The following KCNQ2 variants were observed in gnomAD, a reference collection of about 807,000 sequenced individuals.
KCNQ2 encodes the protein potassium voltage-gated channel subfamily Q member 2.
A neutral mutation model predicts 84.8 loss-of-function variants in KCNQ2; 14 were observed. The ratio of observed to expected loss-of-function variants is 0.17; its 90% CI spans 0.11 to 0.26. The LOEUF (loss-of-function observed/expected upper bound fraction) is 0.26. Ranked by LOEUF, KCNQ2 falls within the 10% of genes least tolerant of loss-of-function variation. KCNQ2 has a pLI of 1.00. For missense variants in KCNQ2, 788 were observed against 1,254.0 expected (o/e 0.63, Z 5.61); for synonymous variants, 599 against 554.1 (o/e 1.08, Z -1.14).
At chr20:63,416,271 C>G (rs1354262493) in intron 12 of KCNQ2, among the ~76,000 whole-genome samples, 3 of 152,206 alleles carry the variant, frequency 2.0e-5, no homozygotes, top group African/African-American at 7.2e-5. Flanking sequence ...GCTCCATACT[C>G]TCGGGGGGTC....
chr20:63,458,067 C>G (rs925292081), intron 1 of KCNQ2, among the ~76,000 whole-genome samples: 1 of 152,160 alleles, frequency 6.6e-6, no homozygotes, highest in Non-Finnish European at 1.5e-5. Flanking sequence ...AGCCCAGCCC[C>G]ATGCAGAGGT....
rs2080235197 is a variant in KCNQ2, at chr20:63,414,864, CGGAGAGGATGGACCA to C, written c.1525+24_1525+38del. On this transcript the variant is annotated intron_variant, in intron 13 of 16. Transcript: ENST00000359125. This position sits in a 1 kb window ranked among gnomAD's most constrained non-coding sequence, Gnocchi z 6.6. ...GTAGCGTGGCCACCACATCCATCCCCGGAGAGGATGGACCAGGAGAGGATGCGGCCACACCCACCT... is the reference window on the plus strand; with the variant it reads ...GTAGCGTGGCCACCACATCCATCCCCGGAGAGGATGCGGCCACACCCACCT... 6.3e-7 allele frequency: 1 copy of C among 1,599,706 alleles called. No individual in the cohort carries two copies. The highest frequency in any genetic ancestry group is 1.1e-5 in the South Asian group (1 of 90,800).
intron 12 of KCNQ2, among the ~76,000 whole-genome samples, chr20:63,415,969 A>T (rs532205166): frequency 6.6e-6 from 1 of 151,492 alleles, no homozygotes; most frequent in South Asian, 2.1e-4. Context: ...GTTCAGCCAC[A>T]CTCCGGCCTT....
chr20:63,451,313 C>T (rs2081609897), intron 1 of KCNQ2, among the ~76,000 whole-genome samples: 2 of 152,100 alleles, frequency 1.3e-5, no homozygotes, highest in Non-Finnish European at 1.5e-5. Flanking sequence ...CTGGTATTAA[C>T]CCTCTGTCTT....
Position 63,404,232 on chromosome 20 carries a change from G to C in KCNQ2, c.*2412C>G, listed in dbSNP as rs1413849035. 1 of 152,298 alleles carries C rather than the reference G, an allele frequency of 6.6e-6. No homozygotes were observed. The highest frequency in any genetic ancestry group is 1.5e-5 in the Non-Finnish European group (1 of 68,240). 9.4% of individuals were successfully genotyped at this position (152,298 alleles called of 1,614,324 possible). A position where few individuals can be genotyped will look rare whatever the true frequency, so the allele number is the denominator to read the frequency against. On this transcript the variant is annotated 3_prime_UTR_variant, in exon 17 of 17. Transcript: ENST00000359125. ...CTCAGCGGCCCCATGGGAGGAAAGAGCAGGCGGGGCCTCACCTCGGGGGAG... is the reference window on the plus strand; with the variant it reads ...CTCAGCGGCCCCATGGGAGGAAAGACCAGGCGGGGCCTCACCTCGGGGGAG...
chr20:63,422,766 A>C (rs1432901327), intron 11 of KCNQ2: 1 of 152,270 alleles, frequency 6.6e-6, no homozygotes, highest in Non-Finnish European at 1.5e-5. Flanking sequence ...GAGAGAGAGA[A>C]AGAGAGAGGC....
chr20:63,428,207 G>A (rs549024925), intron 10 of KCNQ2, among the ~76,000 whole-genome samples, 160 bp downstream of exon 10: 10 of 152,156 alleles, frequency 6.6e-5, no homozygotes, highest in Non-Finnish European at 1.5e-4. Context: ...GTCAGCAGAC[G>A]CGAAAAGAGA....
At chr20:63,440,499 C>T (rs575702109) in intron 5 of KCNQ2, among the ~76,000 whole-genome samples, 1 of 152,308 alleles carries the variant, frequency 6.6e-6, no homozygotes, top group South Asian at 2.1e-4. Context: ...AAGCCACGGG[C>T]TCAGGACAGC....
intron 10 of KCNQ2, among the ~76,000 whole-genome samples, chr20:63,426,481 G>A (rs888343593): frequency 3.3e-5 from 5 of 149,284 alleles, no homozygotes; most frequent in Non-Finnish European, 7.4e-5. Context: ...GTTTCTTACA[G>A]CAGTTCTGCC....
chr20:63,443,403 CCACCATCACCATCACCACCATCAT>C (rs2081310370), intron 4 of KCNQ2, among the ~76,000 whole-genome samples: 1 of 14,316 alleles, frequency 7.0e-5, no homozygotes, highest in African/African-American at 2.9e-4. Flanking sequence ...ATCACCATCA[CCACCATCACCATCACCACCATCAT>C]CACCATCACC....
rs117768093 is a variant in KCNQ2 at position 63,428,596 on chromosome 20, G to A, written c.1149-161C>T. Among the ~76,000 whole-genome samples the A allele has an allele frequency of 0.069, 10,546 of 152,242 alleles. 524 individuals carry two copies. The highest frequency in any genetic ancestry group is 0.13 in the Admixed American group (2,048 of 15,304). ...CAGGCAGCTGCCCACTGGGCCCTGG[G>A]CTCAGGCCCACCTCTCTTGGGCAGG... On this transcript the variant is annotated intron_variant, in intron 9 of 16. Coordinates refer to ENST00000359125, the MANE Select transcript of KCNQ2 (RefSeq NM_172107.4).
Position 63,438,806 on chromosome 20 carries a change from CCCCCCCCAATTCATCA to C in KCNQ2, c.928-102_928-87del. On this transcript the variant is annotated intron_variant, in intron 6 of 16. Transcript: ENST00000359125. This position sits in a 1 kb window ranked among gnomAD's most constrained non-coding sequence, Gnocchi z 5.1. ...TCAGACCATGCTCTGGGGCCCCACA[CCCCCCCCAATTCATCA>C]GGGTCAGACCACACTCCAGAGACTC... 3 of 983,442 alleles carry C rather than the reference CCCCCCCCAATTCATCA, an allele frequency of 3.1e-6. No homozygotes were observed. Among genetic ancestry groups the C allele is most frequent in the Admixed American group, 1.9e-5 (1 of 52,408 alleles). 60.9% of individuals were successfully genotyped at this position (983,442 alleles called of 1,614,324 possible).
In KCNQ2 at chr20:63,424,631, C is replaced by G. The variant is rs1054037766; in HGVS notation, c.1218-425G>C. The G allele has an allele frequency of 1.5e-5, 3 of 194,422 alleles. No individual in the cohort carries two copies. The South Asian group carries it at 3.3e-4, about 22-fold the overall frequency. 12.0% of individuals were successfully genotyped at this position (194,422 alleles called of 1,614,324 possible). ...TGAGCTGCTCCGACTCTTTTTTCCA[C>G]GCTCATCCTAATGGAATGATTCTCT... On this transcript the variant is annotated intron_variant, in intron 10 of 16. Transcript: ENST00000359125.
intron 1 of KCNQ2, among the ~76,000 whole-genome samples, chr20:63,468,383 C>G (rs2082132371): frequency 6.6e-6 from 1 of 152,214 alleles, no homozygotes; most frequent in Non-Finnish European, 1.5e-5. Flanking sequence ...GCACTCACCC[C>G]TCAAAGCAGC....
In KCNQ2 at chr20:63,407,452, TG is replaced by T. The variant is rs1222060291; in HGVS notation, c.1888-78del. The stretch of plus-strand genomic sequence containing the variant: ...GGGGACCCAGGCTGCTCCCAGGAAA[TG>T]GGGGGGCCCAGGCTGGTTCCAGGAA... On this transcript the variant is annotated intron_variant, in intron 16 of 16. Coordinates refer to ENST00000359125, the MANE Select transcript of KCNQ2 (RefSeq NM_172107.4). The surrounding 1 kb of genome is among the most constrained non-coding windows in gnomAD (Gnocchi z 7.2). The T allele has an allele frequency of 1.3e-5, 19 of 1,517,526 alleles. No homozygotes were observed. The South Asian group carries it at 1.4e-4, about 11-fold the overall frequency. 94.0% of individuals were successfully genotyped at this position (1,517,526 alleles called of 1,614,324 possible).
rs570000525 is a variant in KCNQ2, at chr20:63,402,435, C to T, written c.*4209G>A. 6.6e-6 allele frequency: 1 copy of T among 152,496 alleles called. No individual in the cohort carries two copies. The highest frequency in any genetic ancestry group is 1.5e-5 in the Non-Finnish European group (1 of 68,242). The allele number at this position is 152,496 out of a possible 1,614,324, so 9.4% of individuals were successfully genotyped here. On this transcript the variant is annotated 3_prime_UTR_variant, in exon 17 of 17. Transcript: ENST00000359125. ...CAAAGCTCTCACAGCTCCTTCTGCT[C>T]CTCGGCTTCTGGGAAGCAACTAGAA... is the stretch of plus-strand genomic sequence containing the variant.
intron 15 of KCNQ2, among the ~76,000 whole-genome samples, chr20:63,410,477 G>T (rs984605968): frequency 3.9e-5 from 6 of 152,218 alleles, no homozygotes; most frequent in Non-Finnish European, 7.4e-5. Flanking sequence ...GACCGTCCGA[G>T]CTCACAGCTG....
At chr20:63,465,298 C>G (rs6011841) in intron 1 of KCNQ2, among the ~76,000 whole-genome samples, 42,569 of 152,270 alleles carry the variant, frequency 0.28, 6,469 homozygotes, top group East Asian at 0.59. Context: ...GCATCCTGAG[C>G]CACTCCCTCC....
rs1208673620 is a variant in KCNQ2, at chr20:63,408,815, G to A, written c.1764-279C>T. Among the ~76,000 whole-genome samples, 7 of 152,136 alleles carry A rather than the reference G, an allele frequency of 4.6e-5. No homozygotes were observed. Among genetic ancestry groups the A allele is most frequent in the Admixed American group, 4.6e-4 (7 of 15,286 alleles). On this transcript the variant is annotated intron_variant, in intron 15 of 16. Transcript: ENST00000359125. The surrounding 1 kb of genome is among the most constrained non-coding windows in gnomAD (Gnocchi z 5.0). Reference sequence around the variant, plus strand: ...AGGACGCTCCCACCAGGGCCGAGTCGCCCGGCTCCTCTCCGTGGGCTCCCG... The same window carrying A: ...AGGACGCTCCCACCAGGGCCGAGTCACCCGGCTCCTCTCCGTGGGCTCCCG...
Sources: gnomAD v4.1 joint callset for allele counts (sites outside exome capture counted in the v4.1 genomes callset) on GRCh38, gnomAD v4.1.1 for gene constraint, Gnocchi (gnomAD v3.1) non-coding constraint, MANE v1.5 for transcripts, NCBI Gene and HGNC (gene_info 2026-07-23, HGNC 2026-07-21) for gene names.